Variants in CDH18 observed in about 807,000 individuals in gnomAD.
CDH18 encodes the protein cadherin-18.
CDH18 carries 31 observed loss-of-function variants against 67.9 expected under a neutral mutation model. That is an observed-to-expected ratio of 0.46 (90% CI 0.34 to 0.62). The LOEUF (loss-of-function observed/expected upper bound fraction) is 0.62, where lower values mean the gene tolerates loss of function less well. Among genes scored for constraint, CDH18 ranks in the 20% least tolerant of loss-of-function variants. The pLI is 0.01. For missense variants in CDH18, 890 were observed against 975.5 expected (o/e 0.91, Z 1.17); for synonymous variants, 362 against 347.2 (o/e 1.04, Z -0.48).
chr5:19,653,364 A>T lies in CDH18; in HGVS notation c.644-40763T>A, dbSNP rs1351347001. On this transcript the variant is annotated intron_variant, in intron 5 of 12. Transcript: ENST00000382275. ...TCAGAATAAGACCTAGAAGAAGGGGAGGATTTGCTAAAAGCTGCACAGTCA... is the reference window on the plus strand; with the variant it reads ...TCAGAATAAGACCTAGAAGAAGGGGTGGATTTGCTAAAAGCTGCACAGTCA... Among the ~76,000 whole-genome samples the T allele has an allele frequency of 3.3e-5, 5 of 151,984 alleles. No homozygotes were observed. The East Asian group carries it at 9.8e-4, about 30-fold the overall frequency.
At chr5:19,905,010 G>C (rs1394519121) in intron 2 of CDH18, among the ~76,000 whole-genome samples, 2 of 152,132 alleles carry the variant, frequency 1.3e-5, no homozygotes, top group African/African-American at 4.8e-5. Flanking sequence ...TTCTTGCTGA[G>C]AGATGTTTCT....
chr5:20,568,900 A>G (rs1758659138), intron 1 of CDH18, among the ~76,000 whole-genome samples: 1 of 152,202 alleles, frequency 6.6e-6, no homozygotes, highest in African/African-American at 2.4e-5. Flanking sequence ...AAAGGGGGGC[A>G]TAAGAAAATC....
chr5:20,197,840 G>C (rs573895734), intron 2 of CDH18, among the ~76,000 whole-genome samples: 37 of 152,288 alleles, frequency 2.4e-4, no homozygotes, highest in Admixed American at 1.5e-3. Context: ...GATACAGTTT[G>C]GCTCTGTGTC....
intron 1 of CDH18, among the ~76,000 whole-genome samples, chr5:20,495,566 C>A (rs1508541): frequency 0.92 from 140,524 of 152,120 alleles, 65,333 homozygotes; most frequent in South Asian, 0.98. Flanking sequence ...GAAAGTGCTC[C>A]TCCCAAAGAA....
chr5:19,651,397 T>G (rs548114730), intron 5 of CDH18, among the ~76,000 whole-genome samples: 1 of 152,216 alleles, frequency 6.6e-6, no homozygotes, highest in East Asian at 1.9e-4. Flanking sequence ...AATACGTAGT[T>G]CTGAAACATT....
At chr5:20,326,131 CA>C (rs1738553868) in intron 1 of CDH18, among the ~76,000 whole-genome samples, 1 of 152,124 alleles carries the variant, frequency 6.6e-6, no homozygotes, top group Non-Finnish European at 1.5e-5. Flanking sequence ...AAATCTCATC[CA>C]AGTCATTAGT....
intron 2 of CDH18, among the ~76,000 whole-genome samples, chr5:20,064,962 T>C (rs1217120267): frequency 6.6e-6 from 1 of 152,058 alleles, no homozygotes; most frequent in Non-Finnish European, 1.5e-5. Flanking sequence ...GGAGTAAGTT[T>C]CTCATGCACC....
chr5:20,163,667 C>T (rs1027161045), intron 2 of CDH18, among the ~76,000 whole-genome samples: 1 of 152,104 alleles, frequency 6.6e-6, no homozygotes, highest in Non-Finnish European at 1.5e-5. Context: ...GATCAGCTAT[C>T]CCCCTGGTAG....
At chr5:20,097,697 T>C (rs1746110024) in intron 2 of CDH18, among the ~76,000 whole-genome samples, 1 of 152,212 alleles carries the variant, frequency 6.6e-6, no homozygotes. Flanking sequence ...AACATAATAC[T>C]GATCTGATTA....
At chr5:20,559,895 G>A (rs1362189105) in intron 1 of CDH18, among the ~76,000 whole-genome samples, 8 of 152,248 alleles carry the variant, frequency 5.3e-5, no homozygotes, top group African/African-American at 1.7e-4. Context: ...TGTGCAGGCT[G>A]CGGATTCATT....
chr5:20,276,171 TG>T (rs1437919390), intron 1 of CDH18, among the ~76,000 whole-genome samples: 2 of 152,162 alleles, frequency 1.3e-5, no homozygotes, highest in East Asian at 1.9e-4. Context: ...CCAGTGAACA[TG>T]GGGGACAAGT....
chr5:20,052,620 T>C (rs1741533554), intron 2 of CDH18, among the ~76,000 whole-genome samples: 3 of 152,050 alleles, frequency 2.0e-5, no homozygotes. Context: ...GATATCTAAA[T>C]CCTAGAAAAA....
chr5:20,331,140 A>G (rs992525551), intron 1 of CDH18, among the ~76,000 whole-genome samples: 14 of 152,206 alleles, frequency 9.2e-5, no homozygotes, highest in African/African-American at 3.4e-4. Flanking sequence ...TAGAAGATTA[A>G]TGATAGATCT....
chr5:19,534,566 C>G (rs1169281665), intron 9 of CDH18, among the ~76,000 whole-genome samples: 4 of 152,130 alleles, frequency 2.6e-5, no homozygotes, highest in African/African-American at 4.8e-5. Context: ...TTTACCTATA[C>G]ACTTTACAGA....
chr5:19,874,242 A>T (rs887787798), intron 2 of CDH18, among the ~76,000 whole-genome samples: 1 of 152,176 alleles, frequency 6.6e-6, no homozygotes, highest in African/African-American at 2.4e-5. Flanking sequence ...TGGGAAATGC[A>T]TTATCAATTC....
At chr5:19,751,109 C>T (rs181076665) in intron 3 of CDH18, among the ~76,000 whole-genome samples, 3 of 152,186 alleles carry the variant, frequency 2.0e-5, no homozygotes, top group Admixed American at 2.0e-4. Flanking sequence ...AAGTAGTAAC[C>T]TATGGCACTT....
intron 7 of CDH18, among the ~76,000 whole-genome samples, chr5:19,577,750 AC>A (rs1742554054): frequency 6.6e-6 from 1 of 152,242 alleles, no homozygotes; most frequent in African/African-American, 2.4e-5. Flanking sequence ...CATGGGAAGG[AC>A]ATGGCTTTCG....
chr5:20,310,268 AATCTT>A (rs1345456304), intron 1 of CDH18, among the ~76,000 whole-genome samples: 3 of 152,194 alleles, frequency 2.0e-5, no homozygotes, highest in African/African-American at 4.8e-5. Context: ...AGAAAACTTC[AATCTT>A]ATCTTAACAC....
intron 1 of CDH18, among the ~76,000 whole-genome samples, chr5:20,518,649 G>A (rs1755525406): frequency 1.3e-5 from 2 of 151,992 alleles, no homozygotes; most frequent in Admixed American, 6.6e-5. Context: ...TTATTTCTTT[G>A]CCAAAAGTAC....
Sources: gnomAD v4.1 joint callset for allele counts (sites outside exome capture counted in the v4.1 genomes callset) on GRCh38, gnomAD v4.1.1 for gene constraint, MANE v1.5 for transcripts, NCBI Gene and HGNC (gene_info 2026-07-23, HGNC 2026-07-21) for gene names.